CNOT4: variants seen among roughly 807,000 people sequenced by gnomAD.
CNOT4 encodes the protein CCR4-associated factor 4.
A neutral mutation model predicts 73.8 loss-of-function variants in CNOT4; 8 were observed. That is an observed-to-expected ratio of 0.11 (90% confidence interval 0.06 to 0.20). CNOT4 has a LOEUF of 0.20. CNOT4 is among the 10% of genes least tolerant of loss of function. The probability of loss-of-function intolerance (pLI) is 1.00; values close to 1 mark genes in which losing one functional copy is unlikely to be tolerated. For synonymous variants in CNOT4, 293 were observed against 321.1 expected, an observed-to-expected ratio of 0.91 and a Z score of 0.94; for missense variants, 564 against 883.4, an observed-to-expected ratio of 0.64 and a Z score of 4.58.
Position 135,362,861 on chromosome 7 carries a change from T to G in CNOT4, c.*24A>C. 1 of 1,603,246 alleles carries G rather than the reference T, an allele frequency of 6.2e-7. No individual in the cohort carries two copies. The highest frequency in any genetic ancestry group is 8.5e-7 in the Non-Finnish European group (1 of 1,170,136). ...AAACAGAGTGGGACAAATCCTGCAT[T>G]TTCTAATGGTTGCTCCTCTTTGCCT... On this transcript the variant is annotated 3_prime_UTR_variant, in exon 12 of 12. Transcript: ENST00000541284.
At chr7:135,482,413 A>G (rs925879462) in intron 1 of CNOT4, among the ~76,000 whole-genome samples, 9 of 151,892 alleles carry the variant, frequency 5.9e-5, no homozygotes, top group Non-Finnish European at 1.0e-4. Context: ...AAAATCGGTC[A>G]GGTGTGGTGG....
intron 1 of CNOT4, among the ~76,000 whole-genome samples, chr7:135,461,931 G>A (rs1487170603): frequency 6.6e-6 from 1 of 152,024 alleles, no homozygotes; most frequent in African/African-American, 2.4e-5. Context: ...TGAAATTTCA[G>A]TAAAATATCT....
chr7:135,433,536 T>C (rs553988279), intron 2 of CNOT4, among the ~76,000 whole-genome samples: 3 of 151,730 alleles, frequency 2.0e-5, no homozygotes, highest in African/African-American at 7.3e-5. Context: ...TTTCTTATTG[T>C]TATTAGAGAT....
At chr7:135,395,558 CT>C in intron 9 of CNOT4, 75 bp downstream of exon 9, 1 of 1,454,566 alleles carries the variant, frequency 6.9e-7, no homozygotes, top group Non-Finnish European at 9.3e-7. Context: ...AATATATCCA[CT>C]AATGAGTTTC....
chr7:135,488,125 T>C (rs1250004238), intron 1 of CNOT4, among the ~76,000 whole-genome samples: 1 of 152,072 alleles, frequency 6.6e-6, no homozygotes, highest in East Asian at 1.9e-4. Flanking sequence ...AATCTTGTTT[T>C]CAAGGATTTT....
intron 10 of CNOT4, among the ~76,000 whole-genome samples, chr7:135,379,506 T>C (rs191789436): frequency 3.3e-5 from 5 of 152,260 alleles, no homozygotes; most frequent in Admixed American, 6.5e-5. Flanking sequence ...AAAGGAAACA[T>C]ATCTGGTAGC....
At chr7:135,398,316 A>G in intron 7 of CNOT4, 90 bp from the exon 8 acceptor site, 1 of 700,706 alleles carries the variant, frequency 1.4e-6, no homozygotes, top group Non-Finnish European at 2.5e-6. Context: ...AAAAACAGAC[A>G]CTTTACCATC....
Position 135,438,297 on chromosome 7 carries a change from A to C in CNOT4, c.35T>G (p.Val12Gly). ...GGGCTCCATGCAAAGAGGGCACTCC[A>C]CAGGGTCTTCCTTCGCATCAGGACT... ...SRSPDAKEDP[V>G]ECPLCMEPLE... The change falls in exon 2 of 12, where the codon GTG becomes GGG. Residue 12 changes from valine to glycine, a missense_variant. By Grantham distance (109) the Val-to-Gly change is moderately radical. Coordinates refer to ENST00000541284, the MANE Select transcript of CNOT4 (RefSeq NM_001190850.2). The C allele has an allele frequency of 6.2e-7, 1 of 1,613,660 alleles. No homozygotes were observed. Among genetic ancestry groups the C allele is most frequent in the Non-Finnish European group, 8.5e-7 (1 of 1,179,738 alleles).
Position 135,402,266 on chromosome 7 carries a change from T to C in CNOT4, c.822-4040A>G, listed in dbSNP as rs531349510. Among the ~76,000 whole-genome samples the C allele has an allele frequency of 6.6e-5, 10 of 152,124 alleles. No individual in the cohort carries two copies. The East Asian group carries it at 7.8e-4, about 12-fold the overall frequency. The stretch of plus-strand genomic sequence containing the variant: ...CTGAGATTACGGATGTATGCCACCA[T>C]GCCTGGCTAATTTTTGTATTTTTAG... On this transcript the variant is annotated intron_variant, in intron 7 of 11. Transcript: ENST00000541284.
intron 2 of CNOT4, among the ~76,000 whole-genome samples, chr7:135,432,142 G>A (rs1156597654): frequency 6.6e-6 from 1 of 152,152 alleles, no homozygotes; most frequent in Middle Eastern, 3.2e-3. Flanking sequence ...ATGAGCATAT[G>A]GATAGATATA....
At chr7:135,491,120 A>T (rs1028362510) in intron 1 of CNOT4, among the ~76,000 whole-genome samples, 2 of 152,214 alleles carry the variant, frequency 1.3e-5, no homozygotes, top group Non-Finnish European at 2.9e-5. Flanking sequence ...CAGGTTTGGG[A>T]GGGAAAAGCA....
intron 1 of CNOT4, among the ~76,000 whole-genome samples, chr7:135,508,667 T>C (rs558749175): frequency 6.6e-6 from 1 of 152,304 alleles, no homozygotes; most frequent in African/African-American, 2.4e-5. Flanking sequence ...ATAAATAAAA[T>C]GTCATCAATT....
intron 6 of CNOT4, 109 bp downstream of exon 6, chr7:135,413,379 A>C: frequency 2.4e-6 from 3 of 1,258,480 alleles, no homozygotes; most frequent in Non-Finnish European, 3.4e-6. Context: ...TTAAAGTAAT[A>C]TCAGTTTTTA....
chr7:135,435,414 T>C (rs1585638741), intron 2 of CNOT4, among the ~76,000 whole-genome samples: 1 of 152,196 alleles, frequency 6.6e-6, no homozygotes, highest in African/African-American at 2.4e-5. Context: ...AAAAACCCAC[T>C]CAGCACAAGC....
intron 2 of CNOT4, among the ~76,000 whole-genome samples, chr7:135,434,014 C>T (rs1019818886): frequency 6.6e-6 from 1 of 152,210 alleles, no homozygotes; most frequent in African/African-American, 2.4e-5. Flanking sequence ...TTCTGCAAAA[C>T]AGGCACGTTT....
At chr7:135,405,266 G>A (rs1030623632) in intron 7 of CNOT4, among the ~76,000 whole-genome samples, 4 of 152,004 alleles carry the variant, frequency 2.6e-5, no homozygotes, top group African/African-American at 4.8e-5. Flanking sequence ...TTCCACCCTC[G>A]CTCCACCTAA....
chr7:135,468,430 G>T (rs951509600), intron 1 of CNOT4, among the ~76,000 whole-genome samples: 1 of 151,910 alleles, frequency 6.6e-6, no homozygotes, highest in Admixed American at 6.6e-5. Flanking sequence ...CCTGTAGTCC[G>T]AACACTTTGG....
At chr7:135,380,656 T>C (rs930388655) in intron 10 of CNOT4, among the ~76,000 whole-genome samples, 8 of 152,206 alleles carry the variant, frequency 5.3e-5, no homozygotes, top group Non-Finnish European at 8.8e-5. Context: ...GACACAATAA[T>C]GTTTAGAGGA....
chr7:135,416,324 C>T (rs974083127), intron 3 of CNOT4, among the ~76,000 whole-genome samples: 1 of 152,020 alleles, frequency 6.6e-6, no homozygotes, highest in Admixed American at 6.6e-5. Context: ...AATTCTTAGT[C>T]TTCTACCTAA....
Sources: gnomAD v4.1 joint callset for allele counts (sites outside exome capture counted in the v4.1 genomes callset) on GRCh38, gnomAD v4.1.1 for gene constraint, MANE v1.5 for transcripts, NCBI Gene and HGNC (gene_info 2026-07-23, HGNC 2026-07-21) for gene names.